Variants in MBNL3 observed in about 807,000 individuals in gnomAD.
MBNL3 encodes the protein muscleblind like splicing regulator 3.
MBNL3 carries 6 observed loss-of-function variants against 24.5 expected under a neutral mutation model. The observed-to-expected ratio is 0.25, with a 90% CI of 0.13 to 0.48. MBNL3 has a LOEUF of 0.48. Among genes scored for constraint, MBNL3 ranks in the 20% least tolerant of loss-of-function variants. The probability of loss-of-function intolerance (pLI) is 0.99; values close to 1 mark genes in which losing one functional copy is unlikely to be tolerated. For missense variants in MBNL3, 230 were observed against 293.5 expected, an observed-to-expected ratio of 0.78 and a Z score of 1.58; for synonymous variants, 100 against 101.7, an observed-to-expected ratio of 0.98 and a Z score of 0.10.
At chrX:132,454,121 T>C (rs1274813676) in intron 1 of MBNL3, among the ~76,000 whole-genome samples, 1 of 110,986 alleles carries the variant, frequency 9.0e-6, no homozygotes, top group Non-Finnish European at 1.9e-5. Flanking sequence ...AAAGTGTTCA[T>C]GGTTCTCCCA....
chrX:132,383,561 T>C (rs1935408492), intron 7 of MBNL3, among the ~76,000 whole-genome samples: 1 of 112,531 alleles, frequency 8.9e-6, no homozygotes, highest in Non-Finnish European at 1.9e-5. Context: ...GTTCTAATTG[T>C]ACACATTATG....
chrX:132,443,985 CCG>C (rs200043106), intron 1 of MBNL3, among the ~76,000 whole-genome samples: 11 of 954 alleles, frequency 0.012, no homozygotes, highest in Non-Finnish European at 0.017. Context: ...ACTCCAGAGT[CCG>C]CCCCCCCCCC....
intron 1 of MBNL3, among the ~76,000 whole-genome samples, chrX:132,456,165 T>G (rs1946360243): frequency 8.9e-6 from 1 of 112,372 alleles, no homozygotes; most frequent in African/African-American, 3.2e-5. Flanking sequence ...TAATTTGGTT[T>G]GTCCTCTCTT....
chrX:132,374,008 T>C lies in MBNL3; in HGVS notation c.*5658A>G, dbSNP rs1933882493. The stretch of plus-strand genomic sequence containing the variant: ...TTGAAGGGAATGAACGGCCCTATGC[T>C]GGCCATCCTTAACTGTTAAATATCA... On this transcript the variant is annotated 3_prime_UTR_variant, in exon 9 of 9. Transcript: ENST00000370853. The C allele has an allele frequency of 9.0e-6, 1 of 111,646 alleles. No individual in the cohort carries two copies. The highest frequency in any genetic ancestry group is 9.5e-5 in the Admixed American group (1 of 10,518). 9.2% of individuals were successfully genotyped at this position (111,646 alleles called of 1,213,427 possible). A position where few individuals can be genotyped will look rare whatever the true frequency, so the allele number is the denominator to read the frequency against.
intron 1 of MBNL3, among the ~76,000 whole-genome samples, chrX:132,461,198 T>C (rs1270334606): frequency 8.9e-6 from 1 of 111,824 alleles, no homozygotes; most frequent in African/African-American, 3.2e-5. Flanking sequence ...AGTGGTTCAT[T>C]TGCTTTCTGT....
intron 1 of MBNL3, among the ~76,000 whole-genome samples, chrX:132,483,899 A>C (rs924883893): frequency 1.8e-5 from 2 of 112,447 alleles, no homozygotes; most frequent in Admixed American, 1.9e-4. Context: ...GACAGCTCCC[A>C]GTGTCCTTTT....
intron 2 of MBNL3, among the ~76,000 whole-genome samples, chrX:132,424,005 A>G (rs1944064833): frequency 1.8e-5 from 2 of 112,082 alleles, no homozygotes; most frequent in South Asian, 7.4e-4. Context: ...TTTTGAAGTA[A>G]GATTATTACA....
At chrX:132,433,177 G>A (rs1944878459) in intron 2 of MBNL3, among the ~76,000 whole-genome samples, 1 of 111,604 alleles carries the variant, frequency 9.0e-6, no homozygotes, top group African/African-American at 3.3e-5. Context: ...GGTGCAGATG[G>A]GTCCTGGTCA....
intron 2 of MBNL3, among the ~76,000 whole-genome samples, chrX:132,426,014 C>T (rs889609566): frequency 9.0e-6 from 1 of 111,495 alleles, no homozygotes; most frequent in African/African-American, 3.3e-5. Flanking sequence ...TGGGTGTATA[C>T]AATTTTCATC....
At chrX:132,405,869 C>T (rs1158782083) in intron 3 of MBNL3, among the ~76,000 whole-genome samples, 3 of 80,210 alleles carry the variant, frequency 3.7e-5, no homozygotes, top group African/African-American at 1.5e-4. Flanking sequence ...AAGAGTGAAA[C>T]TCTGTCTCAC....
chrX:132,474,012 A>G (rs983789529), intron 1 of MBNL3, among the ~76,000 whole-genome samples: 2 of 111,730 alleles, frequency 1.8e-5, no homozygotes, highest in African/African-American at 6.5e-5. Flanking sequence ...TTTTCTATCA[A>G]TAATCATAAG....
At chrX:132,475,605 G>A (rs1299848637) in intron 1 of MBNL3, among the ~76,000 whole-genome samples, 1 of 112,123 alleles carries the variant, frequency 8.9e-6, no homozygotes, top group Non-Finnish European at 1.9e-5. Flanking sequence ...CTGGCACACA[G>A]TAATTGTTCA....
Position 132,411,159 on chromosome X carries a change from C to T in MBNL3, c.178-4767G>A, listed in dbSNP as rs943751170. The T allele has an allele frequency of 5.3e-6, 4 of 751,753 alleles. No individual in the cohort carries two copies. The South Asian group carries it at 2.7e-4, about 52-fold the overall frequency. 62.0% of individuals were successfully genotyped at this position (751,753 alleles called of 1,213,427 possible). On this transcript the variant is annotated intron_variant, in intron 2 of 8. Coordinates refer to ENST00000370853, the MANE Select transcript of MBNL3 (RefSeq NM_001386889.1). The stretch of plus-strand genomic sequence containing the variant: ...CCCATGGAGAGGGCCAGCCAAGTAC[C>T]CCCCACCATTGCAGCCAGCACTGTA...
chrX:132,462,698 G>A (rs182607168), intron 1 of MBNL3, among the ~76,000 whole-genome samples: 32 of 109,743 alleles, frequency 2.9e-4, no homozygotes, highest in African/African-American at 1.0e-3. Flanking sequence ...GTGCATGCAT[G>A]TGTGTGTGTG....
At chrX:132,451,467 T>C (rs1414928732) in intron 1 of MBNL3, among the ~76,000 whole-genome samples, 3 of 111,695 alleles carry the variant, frequency 2.7e-5, no homozygotes, top group Non-Finnish European at 3.8e-5. Flanking sequence ...TTGTTTACGC[T>C]GTGGGGAAAA....
chrX:132,454,155 A>G (rs190826617), intron 1 of MBNL3, among the ~76,000 whole-genome samples: 63 of 111,419 alleles, frequency 5.7e-4, no homozygotes, highest in Admixed American at 4.4e-3. Context: ...ATTGAATCAA[A>G]TTAAATTTTG....
At chrX:132,413,700 C>T in intron 2 of MBNL3, 1 of 821,800 alleles carries the variant, frequency 1.2e-6, no homozygotes, top group Non-Finnish European at 1.6e-6. Flanking sequence ...ACTCCACCTT[C>T]CCACCCACCG....
chrX:132,489,165 A>G (rs978749799), upstream of MBNL3: 1 of 114,104 alleles, frequency 8.8e-6, no homozygotes, highest in African/African-American at 3.2e-5. Flanking sequence ...GTCTACAGAC[A>G]CGCGCACGCT....
At chrX:132,485,279 T>G (rs1947945298) in intron 1 of MBNL3, among the ~76,000 whole-genome samples, 1 of 111,706 alleles carries the variant, frequency 9.0e-6, no homozygotes, top group Admixed American at 9.5e-5. Context: ...TGTGTTTGTG[T>G]GCCCAGGCAA....
Sources: gnomAD v4.1 joint callset for allele counts (sites outside exome capture counted in the v4.1 genomes callset) on GRCh38, gnomAD v4.1.1 for gene constraint, MANE v1.5 for transcripts, NCBI Gene and HGNC (gene_info 2026-07-23, HGNC 2026-07-21) for gene names.